The following CNTN2 variants were observed in gnomAD, a reference collection of about 807,000 sequenced individuals.
The protein encoded by CNTN2 is contactin-2.
Under a neutral mutation model 117.5 loss-of-function variants are expected in CNTN2, and 53 were observed. That is an observed-to-expected ratio of 0.45 (90% confidence interval 0.36 to 0.57). CNTN2 has a LOEUF of 0.57. Ranked by LOEUF, CNTN2 falls within the 20% of genes least tolerant of loss-of-function variation. CNTN2 has a pLI of 0.00. For missense variants in CNTN2, 1,106 were observed against 1,404.3 expected, an observed-to-expected ratio of 0.79 and a Z score of 3.39; for synonymous variants, 530 against 561.7, an observed-to-expected ratio of 0.94 and a Z score of 0.80.
At position 205,055,929 on chromosome 1, in the gene CNTN2, T is replaced by C. The variant is rs757646267; in HGVS notation, c.71-1992T>C. ...TTATTATGAATGCATGGATTATATA[T>C]AAAAGTCTCCATGGCCATCTATAGC... is the stretch of plus-strand genomic sequence containing the variant. On this transcript the variant is annotated intron_variant, in intron 2 of 22. Coordinates refer to ENST00000331830, the MANE Select transcript of CNTN2 (RefSeq NM_005076.5). Among the ~76,000 whole-genome samples, 12 of 152,288 alleles carry C rather than the reference T, an allele frequency of 7.9e-5. No homozygotes were observed. The East Asian group carries it at 1.5e-3, about 20-fold the overall frequency.
chr1:205,073,811 C>T lies in CNTN2; in HGVS notation c.*46C>T, dbSNP rs17416088. 0.16 allele frequency: 241,062 copies of T among 1,514,342 alleles called. 20,627 individuals are homozygous for T. The highest frequency in any genetic ancestry group is 0.26 in the African/African-American group (18,772 of 72,902). The allele number at this position is 1,514,342 out of a possible 1,614,324, so 93.8% of individuals were successfully genotyped here. On this transcript the variant is annotated 3_prime_UTR_variant, in exon 23 of 23. Coordinates refer to ENST00000331830, the MANE Select transcript of CNTN2 (RefSeq NM_005076.5). This position sits in a 1 kb window ranked among gnomAD's most constrained non-coding sequence, Gnocchi z 6.3. Reference sequence around the variant, plus strand: ...CGCCGCAGCTGGACGCCACCTCCGACGGACACAGCCAGCCCCTTCCTGCTG... The same window carrying T: ...CGCCGCAGCTGGACGCCACCTCCGATGGACACAGCCAGCCCCTTCCTGCTG...
intron 1 of CNTN2, among the ~76,000 whole-genome samples, chr1:205,044,456 C>G (rs1353479130): frequency 7.2e-6 from 1 of 139,000 alleles, no homozygotes; most frequent in Non-Finnish European, 1.5e-5. Flanking sequence ...GAGCCTGTGT[C>G]CTGGGGGGGG....
rs757085268 is a variant in CNTN2, at chr1:205,059,542, G to A, written c.698-41G>A. The A allele has an allele frequency of 4.5e-6, 7 of 1,566,120 alleles. No individual in the cohort carries two copies. The South Asian group carries it at 6.7e-5, about 15-fold the overall frequency. ...TCCCATGCACGGGAGCACCTGACCT[G>A]GAGTCATCTGCATCTGATTTGTAAA... On this transcript the variant is annotated intron_variant, in intron 6 of 22. Transcript: ENST00000331830. This position sits in a 1 kb window ranked among gnomAD's most constrained non-coding sequence, Gnocchi z 5.6.
rs146453726 is a variant in CNTN2 at position 205,054,590 on chromosome 1, G to C, written c.70+1335G>C. On this transcript the variant is annotated intron_variant, in intron 2 of 22. Transcript: ENST00000331830. ...CAGTGCTGGATCCACACCATCTGAG[G>C]AAAGGGGTATGGACAGCATCCAAGT... Among the ~76,000 whole-genome samples the C allele has an allele frequency of 6.4e-3, 977 of 152,340 alleles. 7 individuals carry two copies. Among genetic ancestry groups the C allele is most frequent in the African/African-American group, 0.021 (892 of 41,580 alleles).
chr1:205,062,452 G>A lies in CNTN2; in HGVS notation c.1123G>A (p.Val375Met). The A allele has an allele frequency of 6.2e-7, 1 of 1,613,778 alleles. No homozygotes were observed. Among genetic ancestry groups the A allele is most frequent in the South Asian group, 1.1e-5 (1 of 91,016 alleles). The change falls in exon 10 of 23, where the codon GTG (valine) becomes ATG (methionine). Residue 375 changes from valine to methionine, a missense_variant. Transcript: ENST00000331830. ...EPLASQNRVE[V>M]LAGDLRFSKL... ...CTCTTCTGCACAGAACCGGGTGGAG[G>A]TGTTGGCTGGGGACCTGCGGTTCTC... is the stretch of plus-strand genomic sequence containing the variant.
At chr1:205,071,868 G>A (rs895397500) in intron 19 of CNTN2, 79 bp from the exon 20 acceptor site, 8 of 1,365,838 alleles carry the variant, frequency 5.9e-6, no homozygotes, top group Non-Finnish European at 7.9e-6. Context: ...GAGCAAGAGA[G>A]GAACAGAATG....
intron 10 of CNTN2, 148 bp from the exon 11 acceptor site, chr1:205,064,174 G>A: frequency 2.4e-6 from 2 of 837,578 alleles, no homozygotes; most frequent in South Asian, 5.4e-5. Context: ...GATAGCTTAG[G>A]CCAGAGAAAA....
In CNTN2 at chr1:205,048,814, T is replaced by C. The variant is rs1250113925; in HGVS notation, c.-86-4286T>C. 2.6e-5 allele frequency among the ~76,000 whole-genome samples: 4 copies of C among 152,058 alleles called. No homozygotes were observed. Among genetic ancestry groups the C allele is most frequent in the African/African-American group, 4.8e-5 (2 of 41,382 alleles). On this transcript the variant is annotated intron_variant, in intron 1 of 22. Transcript: ENST00000331830. The surrounding 1 kb of genome is among the most constrained non-coding windows in gnomAD (Gnocchi z 4.1). ...AGCACAATGCCTGGCACATGGTCAATAAACACTGTGATGGAAATGGATGCA... is the reference window on the plus strand; with the variant it reads ...AGCACAATGCCTGGCACATGGTCAACAAACACTGTGATGGAAATGGATGCA...
intron 10 of CNTN2, among the ~76,000 whole-genome samples, chr1:205,063,894 AAG>A (rs1240778832): frequency 7.3e-5 from 11 of 151,304 alleles, no homozygotes; most frequent in Middle Eastern, 3.4e-3. Flanking sequence ...ACAACTTCAA[AAG>A]AGAGAGAGAG....
intron 14 of CNTN2, 150 bp from the exon 15 acceptor site, chr1:205,066,291 C>T (rs1375808995): frequency 1.1e-6 from 1 of 917,326 alleles, no homozygotes; most frequent in African/African-American, 1.7e-5. Flanking sequence ...GCCCACACCC[C>T]TTGCCCGCCC....
In CNTN2 at chr1:205,052,020, G is replaced by A. The variant is rs143830126; in HGVS notation, c.-86-1080G>A. 8.5e-5 allele frequency among the ~76,000 whole-genome samples: 13 copies of A among 152,286 alleles called. No individual in the cohort carries two copies. In the East Asian group the frequency reaches 2.5e-3, roughly 29 times the overall value. On this transcript the variant is annotated intron_variant, in intron 1 of 22. Coordinates refer to ENST00000331830, the MANE Select transcript of CNTN2 (RefSeq NM_005076.5). ...GAACACTGAGATCCAGAGATGGGACGGGTCTTGCAGGCAGTTGGTGAAAGG... is the reference window on the plus strand; with the variant it reads ...GAACACTGAGATCCAGAGATGGGACAGGTCTTGCAGGCAGTTGGTGAAAGG...
intron 2 of CNTN2, among the ~76,000 whole-genome samples, chr1:205,055,404 T>C (rs775904406): frequency 1.6e-4 from 24 of 152,096 alleles, no homozygotes; most frequent in Non-Finnish European, 2.8e-4. Context: ...AGGGTGTCTG[T>C]GGATATGGAT....
chr1:205,067,016 T>A (rs1016858568), intron 15 of CNTN2, 85 bp from the exon 16 acceptor site: 2 of 1,493,366 alleles, frequency 1.3e-6, no homozygotes, highest in African/African-American at 2.8e-5. Flanking sequence ...GCTGGGTAGA[T>A]AAGGGGTGAT....
Position 205,064,737 on chromosome 1 carries a change from C to T in CNTN2, c.1506C>T (p.Ile502=), listed in dbSNP as rs1186028093. ...TGGGCAAAGCCAACAGCACTGGAAT[C>T]CTATCTGTGCGAGGTGAGGGCTGCC... is the stretch of plus-strand genomic sequence containing the variant. ...NFMGKANSTG[I]LSVRDATKIT... The change falls in exon 12 of 23, where the codon ATC becomes ATT. Residue 502 remains isoleucine (I), a synonymous_variant. Transcript: ENST00000331830. 1.2e-6 allele frequency: 2 copies of T among 1,614,076 alleles called. No individual in the cohort carries two copies. The highest frequency in any genetic ancestry group is 1.7e-6 in the Non-Finnish European group (2 of 1,180,022).
intron 12 of CNTN2, 152 bp from the exon 13 acceptor site, chr1:205,064,935 C>A: frequency 8.6e-7 from 1 of 1,161,686 alleles, no homozygotes; most frequent in Non-Finnish European, 1.2e-6. Context: ...GCCTGCCACA[C>A]ACTCATGCAG....
intron 19 of CNTN2, among the ~76,000 whole-genome samples, chr1:205,071,258 C>G (rs1034651987): frequency 3.3e-5 from 5 of 152,118 alleles, no homozygotes; most frequent in Non-Finnish European, 7.3e-5. Context: ...GCCCAGCAGT[C>G]TGGCCTGAGT....
chr1:205,056,866 G>A (rs1198928573), intron 2 of CNTN2, among the ~76,000 whole-genome samples: 1 of 152,220 alleles, frequency 6.6e-6, no homozygotes, highest in Non-Finnish European at 1.5e-5. Context: ...AGAGAGAGGA[G>A]TCTGCCCCAT....
chr1:205,062,783 T>C lies in CNTN2; in HGVS notation c.1240+214T>C, dbSNP rs987923005. The C allele has an allele frequency of 6.1e-5, 25 of 410,294 alleles. No individual in the cohort carries two copies. The East Asian group carries it at 1.0e-3, about 17-fold the overall frequency. 25.4% of individuals were successfully genotyped at this position (410,294 alleles called of 1,614,324 possible). On this transcript the variant is annotated intron_variant, in intron 10 of 22. Coordinates refer to ENST00000331830, the MANE Select transcript of CNTN2 (RefSeq NM_005076.5). ...CCAGAGGGCAGGGTCTCTGACTTGTTCCATGTCTGGCACACAGTAAATGTT... is the reference window on the plus strand; with the variant it reads ...CCAGAGGGCAGGGTCTCTGACTTGTCCCATGTCTGGCACACAGTAAATGTT...
At chr1:205,064,244 G>A in intron 10 of CNTN2, 78 bp from the exon 11 acceptor site, 1 of 1,456,918 alleles carries the variant, frequency 6.9e-7, no homozygotes, top group Non-Finnish European at 9.2e-7. Flanking sequence ...TCATGGCGTG[G>A]CTTCAAAGGG....
Sources: gnomAD v4.1 joint callset for allele counts (sites outside exome capture counted in the v4.1 genomes callset) on GRCh38, gnomAD v4.1.1 for gene constraint, Gnocchi (gnomAD v3.1) non-coding constraint, MANE v1.5 for transcripts, NCBI Gene and HGNC (gene_info 2026-07-23, HGNC 2026-07-21) for gene names.